Variants in NAV3 observed in about 807,000 individuals in gnomAD.
The protein encoded by NAV3 is pore membrane and/or filament interacting like protein 1.
Under a neutral mutation model 244.7 loss-of-function variants are expected in NAV3, and 87 were observed. That is an observed-to-expected ratio of 0.36 (90% CI 0.30 to 0.42). The LOEUF (loss-of-function observed/expected upper bound fraction) is 0.42, where lower values mean the gene tolerates loss of function less well. Ranked by LOEUF, NAV3 falls within the 20% of genes least tolerant of loss-of-function variation. NAV3 has a pLI of 1.00. For synonymous variants in NAV3, 1,126 were observed against 1,042.2 expected, an observed-to-expected ratio of 1.08 and a Z score of -1.55; for missense variants, 2,663 against 2,893.3, an observed-to-expected ratio of 0.92 and a Z score of 1.83.
chr12:77,574,911 G>A (rs1869007551), intron 2 of NAV3, among the ~76,000 whole-genome samples: 1 of 151,836 alleles, frequency 6.6e-6, no homozygotes, highest in Non-Finnish European at 1.5e-5. Context: ...CTTATCATAT[G>A]TCAGGAACAT....
chr12:77,796,651 A>G (rs1871419919), intron 2 of NAV3, among the ~76,000 whole-genome samples: 1 of 152,176 alleles, frequency 6.6e-6, no homozygotes. Context: ...GAGTTAATCA[A>G]TGCAGCAAAC....
At chr12:77,671,958 G>C (rs1177045996) in intron 2 of NAV3, among the ~76,000 whole-genome samples, 1 of 152,138 alleles carries the variant, frequency 6.6e-6, no homozygotes, top group Non-Finnish European at 1.5e-5. Context: ...AATCAGTAGA[G>C]TTAACAGACA....
intron 1 of NAV3, among the ~76,000 whole-genome samples, chr12:77,837,846 C>T (rs1353746717): frequency 2.6e-5 from 4 of 152,334 alleles, no homozygotes; most frequent in Admixed American, 1.3e-4. Context: ...GACACATGGT[C>T]TCTACTGCAT....
chr12:78,142,994 C>G (rs1213700099), intron 20 of NAV3, among the ~76,000 whole-genome samples: 1 of 151,942 alleles, frequency 6.6e-6, no homozygotes, highest in Non-Finnish European at 1.5e-5. Flanking sequence ...CCCAGTCCGC[C>G]ATGATCAGGC....
rs1565834710 is a variant in NAV3 at position 77,831,185 on chromosome 12, GA to G, written c.-276del. 2.9e-5 allele frequency: 4 copies of G among 136,240 alleles called. No individual in the cohort carries two copies. Among genetic ancestry groups the G allele is most frequent in the Non-Finnish European group, 6.2e-5 (4 of 64,448 alleles). 8.4% of individuals were successfully genotyped at this position (136,240 alleles called of 1,614,324 possible). On this transcript the variant is annotated 5_prime_UTR_variant, in exon 1 of 40. Coordinates refer to ENST00000397909, the MANE Select transcript of NAV3 (RefSeq NM_001024383.2). Reference sequence around the variant, plus strand: ...AGAGAGAGACAGAGAGAGAGAGAGAGAGAGAGAGACAGAGAGAGAGAGAGAG... The same window carrying G: ...AGAGAGAGACAGAGAGAGAGAGAGAGGAGAGAGACAGAGAGAGAGAGAGAG...
intron 2 of NAV3, among the ~76,000 whole-genome samples, chr12:77,809,837 G>A (rs1219610306): frequency 6.6e-6 from 1 of 151,964 alleles, no homozygotes; most frequent in African/African-American, 2.4e-5. Context: ...CTTTTTTCAT[G>A]GCAAATTACA....
intron 2 of NAV3, among the ~76,000 whole-genome samples, chr12:77,814,146 C>T (rs556071704): frequency 7.9e-5 from 12 of 152,004 alleles, no homozygotes; most frequent in East Asian, 3.9e-4. Context: ...GACCACTGAT[C>T]GAATATTCTG....
intron 2 of NAV3, among the ~76,000 whole-genome samples, chr12:77,800,113 T>C (rs1432715836): frequency 6.6e-6 from 1 of 152,168 alleles, no homozygotes; most frequent in Non-Finnish European, 1.5e-5. Flanking sequence ...TCTCATCCTG[T>C]CATGGAACAT....
chr12:78,132,091 ATAAAT>A (rs1166285276), intron 18 of NAV3, among the ~76,000 whole-genome samples: 15 of 152,350 alleles, frequency 9.8e-5, no homozygotes, highest in African/African-American at 3.1e-4. Context: ...TAAGATTTGC[ATAAAT>A]TAAAGTTAAC....
At chr12:77,774,532 A>G (rs985295442) in intron 2 of NAV3, among the ~76,000 whole-genome samples, 1 of 152,188 alleles carries the variant, frequency 6.6e-6, no homozygotes, top group Admixed American at 6.5e-5. Context: ...GGCAGGGTAC[A>G]TACCCCTCTA....
intron 2 of NAV3, among the ~76,000 whole-genome samples, chr12:77,763,170 G>A (rs1869574620): frequency 1.3e-5 from 2 of 152,146 alleles, no homozygotes. Flanking sequence ...GAGGTGACTG[G>A]TCCTTGGGTG....
At chr12:77,603,632 A>G (rs890036062) in intron 2 of NAV3, among the ~76,000 whole-genome samples, 4 of 152,234 alleles carry the variant, frequency 2.6e-5, no homozygotes, top group Middle Eastern at 3.4e-3. Context: ...AAGTGAAGTC[A>G]GAAGATGTAG....
chr12:77,848,873 T>TA (rs1877047938), intron 1 of NAV3, among the ~76,000 whole-genome samples: 1 of 152,076 alleles, frequency 6.6e-6, no homozygotes, highest in African/African-American at 2.4e-5. Context: ...TAATGAGGAT[T>TA]AAAAAAAATC....
intron 8 of NAV3, among the ~76,000 whole-genome samples, chr12:78,012,015 C>A (rs1731758): frequency 0.53 from 79,858 of 151,036 alleles, 22,214 homozygotes; most frequent in East Asian, 0.66. Context: ...TCACTTCCCA[C>A]CAGGTCCCTC....
chr12:77,801,930 T>C (rs1051216565), intron 2 of NAV3, among the ~76,000 whole-genome samples: 9 of 152,182 alleles, frequency 5.9e-5, no homozygotes, highest in Admixed American at 1.3e-4. Context: ...AGAAACACCA[T>C]GTATTACATC....
At chr12:78,063,103 C>T (rs1884539362) in intron 12 of NAV3, among the ~76,000 whole-genome samples, 2 of 152,256 alleles carry the variant, frequency 1.3e-5, no homozygotes, top group Admixed American at 6.5e-5. Context: ...CTGAATTCCT[C>T]TTACCAGCAC....
intron 2 of NAV3, among the ~76,000 whole-genome samples, chr12:77,610,554 C>A (rs183211258): frequency 6.6e-6 from 1 of 152,216 alleles, no homozygotes. Flanking sequence ...AAGCCATGTA[C>A]ATTCAGACTT....
intron 39 of NAV3, among the ~76,000 whole-genome samples, chr12:78,209,312 G>A (rs970228570): frequency 1.1e-4 from 16 of 151,418 alleles, no homozygotes; most frequent in African/African-American, 3.9e-4. Flanking sequence ...ATATGACCAA[G>A]GAATCGTTTT....
chr12:78,036,619 CTT>C (rs1232549527), intron 9 of NAV3: 3 of 359,012 alleles, frequency 8.4e-6, no homozygotes, highest in Non-Finnish European at 1.5e-5. Context: ...TTGGTGAACT[CTT>C]TTCTGCTTCA....
Sources: gnomAD v4.1 joint callset for allele counts (sites outside exome capture counted in the v4.1 genomes callset) on GRCh38, gnomAD v4.1.1 for gene constraint, MANE v1.5 for transcripts, NCBI Gene and HGNC (gene_info 2026-07-23, HGNC 2026-07-21) for gene names.